The following NIM1K variants were observed in gnomAD, a reference collection of about 807,000 sequenced individuals.
The protein encoded by NIM1K is serine/threonine-protein kinase NIM1.
NIM1K carries 35 observed loss-of-function variants against 37.1 expected under a neutral mutation model. The ratio of observed to expected loss-of-function variants is 0.94; its 90% confidence interval spans 0.72 to 1.25. The LOEUF is 1.25. Ranked by LOEUF, NIM1K falls within the 50% of genes most tolerant of loss-of-function variation. NIM1K has a pLI of 0.00. For synonymous variants in NIM1K, 234 were observed against 206.6 expected (o/e 1.13, Z -1.14); for missense variants, 564 against 548.0 (o/e 1.03, Z -0.29).
intron 1 of NIM1K, among the ~76,000 whole-genome samples, chr5:43,200,907 T>C (rs117258377): frequency 0.058 from 8,758 of 151,984 alleles, 363 homozygotes; most frequent in East Asian, 0.21. Context: ...GGGTGGATCA[T>C]GGGGTCAGGA....
chr5:43,231,124 C>T (rs1446003672), intron 1 of NIM1K, among the ~76,000 whole-genome samples: 2 of 152,142 alleles, frequency 1.3e-5, no homozygotes, highest in African/African-American at 4.8e-5. Context: ...TCAACACCAG[C>T]CTGGGCGACA....
intron 1 of NIM1K, among the ~76,000 whole-genome samples, chr5:43,226,368 T>C (rs926176633): frequency 3.3e-5 from 5 of 152,192 alleles, no homozygotes; most frequent in African/African-American, 7.2e-5. Context: ...AAGCCAGTAG[T>C]GGCTTACACT....
At chr5:43,193,971 G>A (rs1247862396) in intron 1 of NIM1K, among the ~76,000 whole-genome samples, 2 of 152,158 alleles carry the variant, frequency 1.3e-5, no homozygotes, top group African/African-American at 4.8e-5. Context: ...AAAATCCCAA[G>A]GCATGTTGTT....
At chr5:43,212,404 G>A (rs1422857338) in intron 1 of NIM1K, among the ~76,000 whole-genome samples, 2 of 151,832 alleles carry the variant, frequency 1.3e-5, no homozygotes, top group African/African-American at 4.8e-5. Flanking sequence ...GCTCCAATAG[G>A]GATTTTTAAA....
intron 2 of NIM1K, among the ~76,000 whole-genome samples, chr5:43,275,262 A>G (rs891832471): frequency 6.6e-6 from 1 of 152,196 alleles, no homozygotes; most frequent in African/African-American, 2.4e-5. Flanking sequence ...ATAAGTTAGC[A>G]TCATTACTTT....
intron 1 of NIM1K, among the ~76,000 whole-genome samples, chr5:43,199,987 T>C (rs1751994904): frequency 1.3e-5 from 2 of 152,076 alleles, no homozygotes; most frequent in Non-Finnish European, 2.9e-5. Flanking sequence ...GTGATTCTCC[T>C]GCTTCGGCCT....
At chr5:43,232,715 G>A (rs1368105731) in intron 1 of NIM1K, 1 of 1,383,982 alleles carries the variant, frequency 7.2e-7, no homozygotes, top group Non-Finnish European at 1.0e-6. Flanking sequence ...TGTTCCATGA[G>A]CGGGGAGGTG....
intron 1 of NIM1K, chr5:43,232,152 A>G (rs1457631972): frequency 1.0e-6 from 1 of 996,256 alleles, no homozygotes; most frequent in South Asian, 1.3e-5. Flanking sequence ...ATTAGATGAT[A>G]CACTTGGTCT....
chr5:43,198,890 T>A (rs1453404429), intron 1 of NIM1K, among the ~76,000 whole-genome samples: 1 of 152,032 alleles, frequency 6.6e-6, no homozygotes, highest in East Asian at 1.9e-4. Flanking sequence ...TAAAGATTTT[T>A]AAAAATATGT....
At chr5:43,246,245 G>A (rs370002494) in intron 2 of NIM1K, among the ~76,000 whole-genome samples, 178 bp downstream of exon 2, 17 of 152,212 alleles carry the variant, frequency 1.1e-4, no homozygotes, top group South Asian at 2.1e-4. Context: ...CAGTAACCAT[G>A]TGAGGTCAAT....
At chr5:43,263,977 T>C (rs970550372) in intron 2 of NIM1K, among the ~76,000 whole-genome samples, 1 of 152,234 alleles carries the variant, frequency 6.6e-6, no homozygotes, top group African/African-American at 2.4e-5. Flanking sequence ...TGCACTGTGG[T>C]CTGAGAGACA....
intron 2 of NIM1K, among the ~76,000 whole-genome samples, chr5:43,248,126 G>A (rs2112265744): frequency 6.6e-6 from 1 of 152,286 alleles, no homozygotes; most frequent in East Asian, 1.9e-4. Context: ...ACACCTCAAG[G>A]AAGGATAAGA....
intron 1 of NIM1K, chr5:43,232,971 T>G: frequency 8.8e-7 from 1 of 1,139,742 alleles, no homozygotes; most frequent in Non-Finnish European, 1.3e-6. Context: ...GTTTCAGGTC[T>G]AGAAACACTG....
At chr5:43,251,934 G>C (rs1242610326) in intron 2 of NIM1K, among the ~76,000 whole-genome samples, 2 of 152,132 alleles carry the variant, frequency 1.3e-5, no homozygotes, top group Non-Finnish European at 2.9e-5. Context: ...TCAGTGAGCT[G>C]TAACCCTTTG....
chr5:43,198,171 CT>C (rs1287893334), intron 1 of NIM1K, among the ~76,000 whole-genome samples: 1 of 56,018 alleles, frequency 1.8e-5, no homozygotes, highest in African/African-American at 6.5e-5. Flanking sequence ...TTCTTTCTTT[CT>C]TTCTTTCTTT....
In NIM1K at chr5:43,198,201, TTCTTTCTCTTTCTTTCTTTCTTTC is replaced by T. The variant is rs1344405349; in HGVS notation, c.-695+5792_-695+5815del. Among the ~76,000 whole-genome samples, 45 of 54,848 alleles carry T rather than the reference TTCTTTCTCTTTCTTTCTTTCTTTC, an allele frequency of 8.2e-4. No homozygotes were observed. In the South Asian group the frequency reaches 0.016, roughly 20 times the overall value. 36.0% of individuals were successfully genotyped at this position (54,848 alleles called of 152,430 possible). A position where few individuals can be genotyped will look rare whatever the true frequency, so the allele number is the denominator to read the frequency against. On this transcript the variant is annotated intron_variant, in intron 1 of 3. Coordinates refer to ENST00000326035, the MANE Select transcript of NIM1K (RefSeq NM_153361.4). ...TTTCTTTCTTTCTTTCTTTCTTTCT[TTCTTTCTCTTTCTTTCTTTCTTTC>T]TTTCTTTCTTTCTTTCTTTCTTTTC...
intron 2 of NIM1K, among the ~76,000 whole-genome samples, chr5:43,272,622 T>C (rs1753274295): frequency 6.6e-6 from 1 of 152,142 alleles, no homozygotes; most frequent in Non-Finnish European, 1.5e-5. Flanking sequence ...AGCCTCAGCT[T>C]CTCTCTACAC....
At chr5:43,261,822 A>G (rs1753035443) in intron 2 of NIM1K, among the ~76,000 whole-genome samples, 1 of 152,186 alleles carries the variant, frequency 6.6e-6, no homozygotes, top group Non-Finnish European at 1.5e-5. Context: ...TCCACTTTCT[A>G]CATATGGCCA....
chr5:43,208,257 A>G (rs147893267), intron 1 of NIM1K, among the ~76,000 whole-genome samples: 2 of 152,132 alleles, frequency 1.3e-5, no homozygotes, highest in African/African-American at 4.8e-5. Flanking sequence ...AGAGAGTTAA[A>G]AAAATGAATA....
Sources: allele counts gnomAD v4.1 joint callset (sites outside exome capture counted in the v4.1 genomes callset), GRCh38; gene constraint gnomAD v4.1.1; transcripts MANE v1.5; gene names NCBI Gene and HGNC (gene_info 2026-07-23, HGNC 2026-07-21).